Variants in OTOG observed in about 807,000 individuals in gnomAD.
OTOG encodes the protein otogelin.
Under a neutral mutation model 313.8 loss-of-function variants are expected in OTOG, and 296 were observed. The ratio of observed to expected loss-of-function variants is 0.94; its 90% confidence interval spans 0.86 to 1.04. OTOG has a LOEUF of 1.04. OTOG is among the 50% of genes least tolerant of loss of function. The probability of loss-of-function intolerance (pLI) is 0.00; values close to 1 mark genes in which losing one functional copy is unlikely to be tolerated. For missense variants in OTOG, 3,948 were observed against 3,840.1 expected (o/e 1.03, Z -0.74); for synonymous variants, 1,533 against 1,554.9 (o/e 0.99, Z 0.33).
intron 6 of OTOG, 145 bp from the exon 7 acceptor site, chr11:17,555,634 A>T: frequency 1.6e-6 from 1 of 635,808 alleles, no homozygotes; most frequent in Non-Finnish European, 2.8e-6. Context: ...TCTGTGATGT[A>T]TGGGGACTGA....
intron 1 of OTOG, 56 bp downstream of exon 1, chr11:17,547,522 A>G: frequency 7.7e-7 from 1 of 1,298,210 alleles, no homozygotes; most frequent in East Asian, 3.1e-5. Flanking sequence ...GAAACGTTAA[A>G]GGAATGAGGA....
intron 39 of OTOG, among the ~76,000 whole-genome samples, chr11:17,627,153 T>C (rs1854003379): frequency 1.3e-5 from 2 of 152,366 alleles, no homozygotes; most frequent in African/African-American, 4.8e-5. Flanking sequence ...TCTAATACTA[T>C]GTTGGATAAC....
At chr11:17,613,502 A>G (rs543494324) in intron 38 of OTOG, 110 bp from the exon 39 acceptor site, 1 of 876,342 alleles carries the variant, frequency 1.1e-6, no homozygotes, top group East Asian at 2.7e-5. Flanking sequence ...CCCCTGGCAT[A>G]GTGCAGGGGG....
intron 2 of OTOG, 81 bp downstream of exon 2, chr11:17,548,068 CT>C: frequency 7.1e-7 from 1 of 1,411,658 alleles, no homozygotes; most frequent in Non-Finnish European, 9.5e-7. Context: ...GGCTTTAGCA[CT>C]TAGGGTGGGA....
chr11:17,627,265 G>T lies in OTOG; in HGVS notation c.6529-1868G>T, dbSNP rs546003745. 2.3e-4 allele frequency among the ~76,000 whole-genome samples: 35 copies of T among 151,982 alleles called. 2 individuals are homozygous for T. The highest frequency in any genetic ancestry group is 7.7e-4 in the African/African-American group (32 of 41,420). ...TACTAGCTGTGGTTCTGTCATATAT[G>T]GCTTCTATTACTTTGAGGTATGTTC... On this transcript the variant is annotated intron_variant, in intron 39 of 55. Coordinates refer to ENST00000399397, the MANE Select transcript of OTOG (RefSeq NM_001292063.2).
chr11:17,573,174 G>A lies in OTOG; in HGVS notation c.2177G>A (p.Arg726His), dbSNP rs914825964. Reference sequence around the variant, plus strand: ...CCCGTGCCCTACTTTGAGCAGTGCCGCAGGGATGCCTGCCGCTGCGGGCAG... The same window carrying A: ...CCCGTGCCCTACTTTGAGCAGTGCCACAGGGATGCCTGCCGCTGCGGGCAG... ...LSPVPYFEQCRRDACRCGQPC... is the reference protein window; with the variant it reads ...LSPVPYFEQCHRDACRCGQPC... Residue 726 changes from arginine (R) to histidine (H), a missense_variant, in exon 19 of 56, where the codon CGC (arginine) becomes CAC (histidine). Physicochemically the swap from Arg to His is conservative, Grantham distance 29. Transcript: ENST00000399397. 8.4e-6 allele frequency: 13 copies of A among 1,542,244 alleles called. No individual in the cohort carries two copies. Among genetic ancestry groups the A allele is most frequent in the East Asian group, 4.9e-5 (2 of 40,920 alleles).
rs11024357 is a variant in OTOG, at chr11:17,645,892, G to C, written c.8690G>C (p.Trp2897Ser). The change falls in exon 56 of 56, where the codon TGG (tryptophan) becomes TCG (serine). Residue 2897 changes from tryptophan (W) to serine (S), a missense_variant. Transcript: ENST00000399397. ...CTCTTCTGTGCCACCAATGCCACCTGGGTGCCCTATACAGTGCAGGAGCCC... is the reference window on the plus strand; with the variant it reads ...CTCTTCTGTGCCACCAATGCCACCTCGGTGCCCTATACAGTGCAGGAGCCC... ...VQLFCATNAT[W>S]VPYTVQEPTD... 0.22 allele frequency: 343,121 copies of C among 1,550,390 alleles called. 39,302 individuals are homozygous for C. The highest frequency in any genetic ancestry group is 0.27 in the South Asian group (22,847 of 84,060).
chr11:17,600,006 C>T (rs1853210131), intron 31 of OTOG, among the ~76,000 whole-genome samples: 2 of 152,268 alleles, frequency 1.3e-5, no homozygotes, highest in Admixed American at 1.3e-4. Context: ...GCCAGCTCCT[C>T]CGCCTTCATA....
intron 53 of OTOG, among the ~76,000 whole-genome samples, chr11:17,642,938 G>GC (rs1175353933): frequency 6.6e-6 from 1 of 152,120 alleles, no homozygotes; most frequent in African/African-American, 2.4e-5. Context: ...ACTGAGACCT[G>GC]CCCCCCAACA....
At chr11:17,553,076 A>G in intron 4 of OTOG, 43 bp from the exon 5 acceptor site, 1 of 1,538,932 alleles carries the variant, frequency 6.5e-7, no homozygotes, top group East Asian at 2.4e-5. Flanking sequence ...GGGTTCTGCC[A>G]ATCTCAGCTT....
chr11:17,609,364 C>G (rs1329093653), intron 35 of OTOG, among the ~76,000 whole-genome samples, 155 bp downstream of exon 35: 1 of 152,142 alleles, frequency 6.6e-6, no homozygotes, highest in Non-Finnish European at 1.5e-5. Context: ...ATGCAGAGGC[C>G]TCATCCGGTC....
intron 42 of OTOG, among the ~76,000 whole-genome samples, chr11:17,633,390 G>C (rs1854180099): frequency 1.3e-5 from 2 of 152,110 alleles, no homozygotes; most frequent in African/African-American, 4.8e-5. Flanking sequence ...ACCTTTTTTG[G>C]TACAAAAACA....
intron 40 of OTOG, among the ~76,000 whole-genome samples, chr11:17,631,232 A>C (rs1179137114): frequency 1.3e-5 from 2 of 152,188 alleles, no homozygotes; most frequent in Non-Finnish European, 2.9e-5. Flanking sequence ...GGTAAAGCAG[A>C]CTTTTGGGGG....
rs1001713161 is a variant in OTOG, at chr11:17,640,827, G to A, written c.8011+7G>A. 6.5e-7 allele frequency: 1 copy of A among 1,550,260 alleles called. No individual in the cohort carries two copies. The highest frequency in any genetic ancestry group is 8.7e-7 in the Non-Finnish European group (1 of 1,147,004). On this transcript the variant is annotated splice_region_variant and intron_variant, in intron 50 of 55. Transcript: ENST00000399397. Reference sequence around the variant, plus strand: ...TGCGCCAAGTACGAGTGTGGTGAGTGGGGGAAGCCTCGGGGCAGAGCCATG... The same window carrying A: ...TGCGCCAAGTACGAGTGTGGTGAGTAGGGGAAGCCTCGGGGCAGAGCCATG...
In OTOG at chr11:17,581,651, G is replaced by A. The variant is rs116777084; in HGVS notation, c.2759+3125G>A. On this transcript the variant is annotated intron_variant, in intron 23 of 55. Coordinates refer to ENST00000399397, the MANE Select transcript of OTOG (RefSeq NM_001292063.2). ...GTAATTTATATACAGTAAATTACATGGATCCTAAGTATACCGTGTGTTAGG... is the reference window on the plus strand; with the variant it reads ...GTAATTTATATACAGTAAATTACATAGATCCTAAGTATACCGTGTGTTAGG... Among the ~76,000 whole-genome samples the A allele has an allele frequency of 6.8e-3, 1,031 of 152,154 alleles. 5 individuals are homozygous for A. The highest frequency in any genetic ancestry group is 0.019 in the African/African-American group (794 of 41,500).
chr11:17,557,406 G>A, intron 8 of OTOG, 83 bp downstream of exon 8: 1 of 1,350,440 alleles, frequency 7.4e-7, no homozygotes, highest in Non-Finnish European at 1.0e-6. Flanking sequence ...AGGGGACTTG[G>A]AACAGAGCCC....
intron 49 of OTOG, 135 bp from the exon 50 acceptor site, chr11:17,640,610 G>C: frequency 1.1e-6 from 1 of 912,040 alleles, no homozygotes; most frequent in Non-Finnish European, 1.6e-6. Context: ...GCTGCTGAGG[G>C]GCCCCAGGCC....
At chr11:17,554,199 C>T (rs910280200) in intron 6 of OTOG, among the ~76,000 whole-genome samples, 5 of 152,184 alleles carry the variant, frequency 3.3e-5, no homozygotes, top group Admixed American at 1.3e-4. Context: ...CCTGGATCTC[C>T]TGACCTTCCA....
chr11:17,610,520 A>G lies in OTOG; in HGVS notation c.5220A>G (p.Pro1740=), dbSNP rs959286824. 3.9e-6 allele frequency: 6 copies of G among 1,549,734 alleles called. No homozygotes were observed. The highest frequency in any genetic ancestry group is 1.7e-4 in the Middle Eastern group (1 of 5,990). ...AGCCCATGGGCTCGCCTGCCTCCCC[A>G]CAGCCACACCCACTCCCCTCTGCAC... ...HSQPMGSPAS[P]QPHPLPSAPP... Residue 1740 remains proline (P), a synonymous_variant, in exon 36 of 56, where the codon CCA becomes CCG. Coordinates refer to ENST00000399397, the MANE Select transcript of OTOG (RefSeq NM_001292063.2).
Sources: allele counts gnomAD v4.1 joint callset (sites outside exome capture counted in the v4.1 genomes callset), GRCh38; gene constraint gnomAD v4.1.1; transcripts MANE v1.5; gene names NCBI Gene and HGNC (gene_info 2026-07-23, HGNC 2026-07-21).